SDR42E1: variants seen among roughly 807,000 people sequenced by gnomAD.
The protein encoded by SDR42E1 is short-chain dehydrogenase/reductase family 42E member 1.
A neutral mutation model predicts 2.6 loss-of-function variants in SDR42E1; 5 were observed. The observed-to-expected ratio is 1.94, with a 90% CI of 1.01 to 4.08. The LOEUF (loss-of-function observed/expected upper bound fraction) is 4.08, where lower values mean the gene tolerates loss of function less well. Ranked by LOEUF, SDR42E1 falls within the 30% of genes most tolerant of loss-of-function variation. The pLI is 0.00. For missense variants in SDR42E1, 596 were observed against 478.6 expected, an observed-to-expected ratio of 1.25 and a Z score of -2.29; for synonymous variants, 231 against 188.3, an observed-to-expected ratio of 1.23 and a Z score of -1.86.
intron 1 of SDR42E1, among the ~76,000 whole-genome samples, chr16:82,010,750 C>A (rs1490776544): frequency 6.6e-6 from 1 of 152,184 alleles, no homozygotes; most frequent in Admixed American, 6.5e-5. Flanking sequence ...GAAAACGAAA[C>A]TGGGCTCTGA....
At chr16:82,000,249 G>C (rs1355230378) in intron 2 of SDR42E1, 25 bp from the exon 3 acceptor site, 1 of 1,600,360 alleles carries the variant, frequency 6.2e-7, no homozygotes, top group Non-Finnish European at 8.5e-7. Flanking sequence ...AGTAAACGTT[G>C]AATCAAGTCA....
At chr16:82,011,235 C>G (rs1403230071) in intron 1 of SDR42E1, among the ~76,000 whole-genome samples, 152 bp downstream of exon 1, 1 of 152,198 alleles carries the variant, frequency 6.6e-6, no homozygotes, top group Admixed American at 6.5e-5. Context: ...AGGAAGACAT[C>G]TGAAAGGGGA....
intron 1 of SDR42E1, among the ~76,000 whole-genome samples, chr16:82,008,161 C>A (rs772076414): frequency 6.6e-6 from 1 of 152,206 alleles, no homozygotes; most frequent in Non-Finnish European, 1.5e-5. Context: ...TCTTCCTTTG[C>A]CTTCTGCCAT....
rs1888427472 is a variant in SDR42E1 at position 81,993,566 on chromosome 16, G to T, written c.*5545C>A. On this transcript the variant is annotated 3_prime_UTR_variant, in exon 3 of 3. Coordinates refer to ENST00000328945, the MANE Select transcript of SDR42E1 (RefSeq NM_145168.3). ...TCTGGAGTCTGCATTTTTAATTTAGGCCTTGAATGTTCTTATTGCCTCAGG... is the reference window on the plus strand; with the variant it reads ...TCTGGAGTCTGCATTTTTAATTTAGTCCTTGAATGTTCTTATTGCCTCAGG... 6.6e-6 allele frequency: 1 copy of T among 152,020 alleles called. No homozygotes were observed. The highest frequency in any genetic ancestry group is 6.6e-5 in the Admixed American group (1 of 15,250). 9.4% of individuals were successfully genotyped at this position (152,020 alleles called of 1,614,324 possible).
At position 81,994,823 on chromosome 16, in the gene SDR42E1, C is replaced by A. The variant is rs1310261769; in HGVS notation, c.*4288G>T. The A allele has an allele frequency of 1.3e-5, 2 of 152,174 alleles. No individual in the cohort carries two copies. Among genetic ancestry groups the A allele is most frequent in the Non-Finnish European group, 2.9e-5 (2 of 68,028 alleles). The allele number at this position is 152,174 out of a possible 1,614,324, so 9.4% of individuals were successfully genotyped here. A position where few individuals can be genotyped will look rare whatever the true frequency, so the allele number is the denominator to read the frequency against. On this transcript the variant is annotated 3_prime_UTR_variant, in exon 3 of 3. Coordinates refer to ENST00000328945, the MANE Select transcript of SDR42E1 (RefSeq NM_145168.3). ...TAGAAGCAGCCCCAACAATCTACGACAAAGCAACACTTGCCTCTTTTATAC... is the reference window on the plus strand; with the variant it reads ...TAGAAGCAGCCCCAACAATCTACGAAAAAGCAACACTTGCCTCTTTTATAC...
In SDR42E1 at chr16:81,999,729, G is replaced by T. The variant is rs1912677774; in HGVS notation, c.564C>A (p.Ile188=). The T allele has an allele frequency of 6.2e-7, 1 of 1,614,218 alleles. No individual in the cohort carries two copies. Among genetic ancestry groups the T allele is most frequent in the South Asian group, 1.1e-5 (1 of 91,076 alleles). The change falls in exon 3 of 3, where the codon ATC becomes ATA. Residue 188 remains isoleucine, a synonymous_variant. Transcript: ENST00000328945. ...GGTGTCTTTGTTCTCCAGGCCCATA[G>T]ATGCCAGCTGGCCTCAGAGCGCAGG... The part of the protein sequence containing the change: ...LRTCALRPAG[I]YGPGEQRHLP...
rs369281856 is a variant in SDR42E1, at chr16:82,010,687, G to C, written c.-27+700C>G. 2.0e-5 allele frequency among the ~76,000 whole-genome samples: 3 copies of C among 152,182 alleles called. No homozygotes were observed. The East Asian group carries it at 5.8e-4, about 29-fold the overall frequency. Reference sequence around the variant, plus strand: ...TCGAGTTGTCCCGCCTTTCCAGACCGAAAAACATGTTCATCTTACATCTGT... The same window carrying C: ...TCGAGTTGTCCCGCCTTTCCAGACCCAAAAACATGTTCATCTTACATCTGT... On this transcript the variant is annotated intron_variant, in intron 1 of 2. Coordinates refer to ENST00000328945, the MANE Select transcript of SDR42E1 (RefSeq NM_145168.3).
In SDR42E1 at chr16:82,000,851, G is replaced by C. The variant is rs1912734637; in HGVS notation, c.8C>G (p.Pro3Arg). Reference protein sequence around the residue: MDPKRSQKESVLI... With the variant: MDRKRSQKESVLI... ...GACACTTTCCTTTTGAGATCTTTTGGGGTCCATATGTGGCAGTCAAAAGAT... is the reference window on the plus strand; with the variant it reads ...GACACTTTCCTTTTGAGATCTTTTGCGGTCCATATGTGGCAGTCAAAAGAT... The change falls in exon 2 of 3, where the codon CCC (proline) becomes CGC (arginine). Residue 3 changes from proline (P) to arginine (R), a missense_variant. Pro to Arg is a moderately radical substitution (Grantham distance 103, BLOSUM62 -2). Transcript: ENST00000328945. The C allele has an allele frequency of 6.2e-7, 1 of 1,613,616 alleles. No homozygotes were observed.
rs1912502476 is a variant in SDR42E1, at chr16:81,994,725, G to C, written c.*4386C>G. 1 of 152,200 alleles carries C rather than the reference G, an allele frequency of 6.6e-6. No homozygotes were observed. Among genetic ancestry groups the C allele is most frequent in the Non-Finnish European group, 1.5e-5 (1 of 68,042 alleles). The allele number at this position is 152,200 out of a possible 1,614,324, so 9.4% of individuals were successfully genotyped here. A position where few individuals can be genotyped will look rare whatever the true frequency, so the allele number is the denominator to read the frequency against. ...GATGTCTAATTGGGTCAGAGCTGGG[G>C]CGTGGCATTCTGCAGGCAACTTCTA... On this transcript the variant is annotated 3_prime_UTR_variant, in exon 3 of 3. Coordinates refer to ENST00000328945, the MANE Select transcript of SDR42E1 (RefSeq NM_145168.3).
rs1912537966 is a variant in SDR42E1, at chr16:81,996,210, C to G, written c.*2901G>C. 6.6e-6 allele frequency: 1 copy of G among 152,186 alleles called. No individual in the cohort carries two copies. The highest frequency in any genetic ancestry group is 1.5e-5 in the Non-Finnish European group (1 of 68,080). The allele number at this position is 152,186 out of a possible 1,614,324, so 9.4% of individuals were successfully genotyped here. ...CAAAAGATTTGCACCTTTATAGAGT[C>G]TCTTGGCTAGGCATGTGGAGAATGG... On this transcript the variant is annotated 3_prime_UTR_variant, in exon 3 of 3. Coordinates refer to ENST00000328945, the MANE Select transcript of SDR42E1 (RefSeq NM_145168.3).
At chr16:82,006,742 G>A (rs1912950154) in intron 1 of SDR42E1, among the ~76,000 whole-genome samples, 1 of 152,130 alleles carries the variant, frequency 6.6e-6, no homozygotes, top group Non-Finnish European at 1.5e-5. Context: ...TGCAGTGAGT[G>A]CAGACTGCAC....
At position 81,999,016 on chromosome 16, in the gene SDR42E1, T is replaced by C; in HGVS notation, c.*95A>G. 7.5e-7 allele frequency: 1 copy of C among 1,329,982 alleles called. No individual in the cohort carries two copies. The highest frequency in any genetic ancestry group is 1.0e-6 in the Non-Finnish European group (1 of 977,036). 82.4% of individuals were successfully genotyped at this position (1,329,982 alleles called of 1,614,324 possible). ...CTTAAGTAGCAATTTGAAGAGCCAA[T>C]GTTTGGCACCAGATATCACTGTACA... On this transcript the variant is annotated 3_prime_UTR_variant, in exon 3 of 3. Coordinates refer to ENST00000328945, the MANE Select transcript of SDR42E1 (RefSeq NM_145168.3).
At chr16:82,008,808 G>A (rs926656389) in intron 1 of SDR42E1, among the ~76,000 whole-genome samples, 1 of 152,216 alleles carries the variant, frequency 6.6e-6, no homozygotes, top group African/African-American at 2.4e-5. Flanking sequence ...TAATCATCAA[G>A]ACAATGGGGA....
intron 1 of SDR42E1, among the ~76,000 whole-genome samples, chr16:82,001,693 G>C (rs150371403): frequency 6.6e-6 from 1 of 151,982 alleles, no homozygotes; most frequent in Non-Finnish European, 1.5e-5. Flanking sequence ...ATGAGGTCAG[G>C]AGATCGAGAC....
chr16:82,000,400 T>A, intron 2 of SDR42E1, 176 bp from the exon 3 acceptor site: 1 of 789,622 alleles, frequency 1.3e-6, no homozygotes, highest in Non-Finnish European at 2.2e-6. Context: ...TTTTCAAAAG[T>A]GAGAATCCTC....
chr16:81,999,355 C>T lies in SDR42E1; in HGVS notation c.938G>A (p.Arg313His), dbSNP rs200310842. 1.4e-4 allele frequency: 232 copies of T among 1,614,152 alleles called. No homozygotes were observed. Among genetic ancestry groups the T allele is most frequent in the East Asian group, 1.0e-3 (47 of 44,880 alleles). Residue 313 changes from arginine to histidine, a missense_variant, in exon 3 of 3, where the codon CGC becomes CAC. Transcript: ENST00000328945. ...RLYNFQPFLT[R>H]TEVYKTGVTH... ...GACACCAGTTTTGTAAACTTCAGTGCGAGTGAGGAAGGGCTGGAAGTTGTA... is the reference window on the plus strand; with the variant it reads ...GACACCAGTTTTGTAAACTTCAGTGTGAGTGAGGAAGGGCTGGAAGTTGTA...
intron 1 of SDR42E1, among the ~76,000 whole-genome samples, chr16:82,004,522 A>G (rs1411677778): frequency 6.6e-6 from 1 of 152,156 alleles, no homozygotes; most frequent in Non-Finnish European, 1.5e-5. Flanking sequence ...TCTCTTTGAG[A>G]CAAGGTCTCA....
rs866187417 is a variant in SDR42E1 at position 81,994,832 on chromosome 16, A to G, written c.*4279T>C. The stretch of plus-strand genomic sequence containing the variant: ...CCCCAACAATCTACGACAAAGCAAC[A>G]CTTGCCTCTTTTATACACCATGTTA... On this transcript the variant is annotated 3_prime_UTR_variant, in exon 3 of 3. Coordinates refer to ENST00000328945, the MANE Select transcript of SDR42E1 (RefSeq NM_145168.3). 23 of 152,218 alleles carry G rather than the reference A, an allele frequency of 1.5e-4. No individual in the cohort carries two copies. The highest frequency in any genetic ancestry group is 5.3e-4 in the African/African-American group (22 of 41,448). 9.4% of individuals were successfully genotyped at this position (152,218 alleles called of 1,614,324 possible). A position where few individuals can be genotyped will look rare whatever the true frequency, so the allele number is the denominator to read the frequency against.
chr16:82,003,973 G>A (rs1050623952), intron 1 of SDR42E1, among the ~76,000 whole-genome samples: 3 of 152,154 alleles, frequency 2.0e-5, no homozygotes, highest in Non-Finnish European at 4.4e-5. Context: ...TCTAAGAGCT[G>A]CTGTTCTGCA....
Sources: allele counts gnomAD v4.1 joint callset (sites outside exome capture counted in the v4.1 genomes callset), GRCh38; gene constraint gnomAD v4.1.1; transcripts MANE v1.5; gene names NCBI Gene and HGNC (gene_info 2026-07-23, HGNC 2026-07-21).